NDST3: variants seen among roughly 807,000 people sequenced by gnomAD.
NDST3 encodes bifunctional heparan sulfate N-deacetylase/N-sulfotransferase 3.
Under a neutral mutation model 96.1 loss-of-function variants are expected in NDST3, and 58 were observed. The observed-to-expected ratio is 0.60, with a 90% CI of 0.49 to 0.75. The LOEUF is 0.75. NDST3 is among the 30% of genes least tolerant of loss of function. The probability of loss-of-function intolerance (pLI) is 0.00; values close to 1 mark genes in which losing one functional copy is unlikely to be tolerated. For synonymous variants in NDST3, 333 were observed against 359.7 expected (o/e 0.93, Z 0.84); for missense variants, 788 against 1,034.2 (o/e 0.76, Z 3.27).
At chr4:118,240,840 G>A in intron 11 of NDST3, 146 bp downstream of exon 11, 1 of 688,290 alleles carries the variant, frequency 1.5e-6, no homozygotes, top group East Asian at 2.9e-5. Context: ...AAGAGAAATA[G>A]GCAGAAGTAG....
intron 2 of NDST3, among the ~76,000 whole-genome samples, chr4:118,065,627 T>C (rs1726250874): frequency 6.6e-6 from 1 of 152,060 alleles, no homozygotes; most frequent in African/African-American, 2.4e-5. Context: ...GTTTACCATT[T>C]TCATTGTTAC....
At chr4:118,239,660 A>G (rs1441803597) in intron 10 of NDST3, among the ~76,000 whole-genome samples, 1 of 152,204 alleles carries the variant, frequency 6.6e-6, no homozygotes, top group Non-Finnish European at 1.5e-5. Context: ...TTAAGGCTGC[A>G]AGCTAACAAA....
At chr4:118,251,205 C>A (rs1298606294) in intron 12 of NDST3, among the ~76,000 whole-genome samples, 1 of 145,688 alleles carries the variant, frequency 6.9e-6, no homozygotes, top group East Asian at 2.0e-4. Context: ...CGGCTCACTG[C>A]AAGCTCCGCC....
At chr4:118,184,051 A>G (rs1268631367) in intron 6 of NDST3, among the ~76,000 whole-genome samples, 1 of 152,210 alleles carries the variant, frequency 6.6e-6, no homozygotes, top group Non-Finnish European at 1.5e-5. Context: ...TTAGTTTTAC[A>G]GAGTCTCACT....
At chr4:118,176,849 T>C (rs1193662746) in intron 6 of NDST3, among the ~76,000 whole-genome samples, 1 of 152,042 alleles carries the variant, frequency 6.6e-6, no homozygotes, top group Non-Finnish European at 1.5e-5. Context: ...TGAGATTGAA[T>C]TATGCAGCAT....
At chr4:118,161,658 G>A (rs1023784766) in intron 6 of NDST3, among the ~76,000 whole-genome samples, 1 of 152,150 alleles carries the variant, frequency 6.6e-6, no homozygotes, top group Non-Finnish European at 1.5e-5. Flanking sequence ...GACTCCATGG[G>A]TGTAGGACCC....
chr4:118,182,648 C>T (rs1347852938), intron 6 of NDST3, among the ~76,000 whole-genome samples: 1 of 152,138 alleles, frequency 6.6e-6, no homozygotes, highest in East Asian at 1.9e-4. Context: ...CAGCTGGCTG[C>T]CTGACACAAG....
At chr4:118,126,523 T>A (rs1732088832) in intron 4 of NDST3, among the ~76,000 whole-genome samples, 1 of 18,002 alleles carries the variant, frequency 5.6e-5, no homozygotes, top group African/African-American at 9.6e-5. Flanking sequence ...TGTATATATA[T>A]ATATATATAT....
At chr4:118,149,008 G>A (rs1009075446) in intron 6 of NDST3, among the ~76,000 whole-genome samples, 2 of 151,930 alleles carry the variant, frequency 1.3e-5, no homozygotes, top group Admixed American at 6.6e-5. Flanking sequence ...TTATTAAATA[G>A]GGAATCCTTT....
intron 5 of NDST3, among the ~76,000 whole-genome samples, chr4:118,140,989 C>T (rs922415164): frequency 6.6e-6 from 1 of 152,130 alleles, no homozygotes; most frequent in Non-Finnish European, 1.5e-5. Context: ...TGGAAATGCC[C>T]ATTGGTAGAG....
At chr4:118,196,491 A>G (rs1256965658) in intron 6 of NDST3, among the ~76,000 whole-genome samples, 1 of 152,080 alleles carries the variant, frequency 6.6e-6, no homozygotes, top group Non-Finnish European at 1.5e-5. Context: ...TTTTATTTAC[A>G]GGGAGATTTT....
chr4:118,125,131 A>C (rs1163066530), intron 4 of NDST3, among the ~76,000 whole-genome samples: 1 of 152,076 alleles, frequency 6.6e-6, no homozygotes, highest in East Asian at 1.9e-4. Flanking sequence ...CTCTAATTAC[A>C]TGGTGGGACT....
intron 6 of NDST3, among the ~76,000 whole-genome samples, chr4:118,190,007 A>C (rs1029468220): frequency 2.0e-5 from 3 of 152,022 alleles, no homozygotes; most frequent in Admixed American, 6.6e-5. Flanking sequence ...GAAATGTTTA[A>C]ATAACTTCAA....
At chr4:118,132,058 C>T (rs1346024423) in intron 4 of NDST3, among the ~76,000 whole-genome samples, 1 of 152,128 alleles carries the variant, frequency 6.6e-6, no homozygotes, top group African/African-American at 2.4e-5. Flanking sequence ...ACTATAACTA[C>T]TACCTGGCTA....
At chr4:118,047,277 T>C (rs932353781) in intron 1 of NDST3, among the ~76,000 whole-genome samples, 8 of 152,202 alleles carry the variant, frequency 5.3e-5, no homozygotes, top group Admixed American at 2.6e-4. Flanking sequence ...AATTACGTCA[T>C]TGTTAAAGAA....
At chr4:118,060,115 T>C (rs1725774181) in intron 2 of NDST3, among the ~76,000 whole-genome samples, 1 of 152,096 alleles carries the variant, frequency 6.6e-6, no homozygotes, top group African/African-American at 2.4e-5. Flanking sequence ...CTTCTTACTG[T>C]ATTCTTTTTT....
At chr4:118,064,598 T>G (rs986302000) in intron 2 of NDST3, among the ~76,000 whole-genome samples, 1 of 152,144 alleles carries the variant, frequency 6.6e-6, no homozygotes, top group African/African-American at 2.4e-5. Flanking sequence ...CCTTAAAAGA[T>G]TATATGCTTT....
At chr4:118,042,134 G>A (rs907114804) in intron 1 of NDST3, among the ~76,000 whole-genome samples, 4 of 152,134 alleles carry the variant, frequency 2.6e-5, no homozygotes, top group African/African-American at 4.8e-5. Flanking sequence ...ATCTAATCAT[G>A]TATAACTTAG....
chr4:118,204,634 G>T (rs1160915377), intron 6 of NDST3, among the ~76,000 whole-genome samples: 1 of 144,500 alleles, frequency 6.9e-6, no homozygotes, highest in African/African-American at 2.6e-5. Flanking sequence ...TATGTACAGA[G>T]AAATCTTTAT....
Sources: gnomAD v4.1 joint callset for allele counts (sites outside exome capture counted in the v4.1 genomes callset) on GRCh38, gnomAD v4.1.1 for gene constraint, MANE v1.5 for transcripts, NCBI Gene and HGNC (gene_info 2026-07-23, HGNC 2026-07-21) for gene names.